The following TAFA4 variants were observed in gnomAD, a reference collection of about 807,000 sequenced individuals.
TAFA4 encodes the protein chemokine-like protein TAFA-4.
TAFA4 carries 20 observed loss-of-function variants against 21.1 expected under a neutral mutation model. The ratio of observed to expected loss-of-function variants is 0.95; its 90% confidence interval spans 0.67 to 1.38. The LOEUF (loss-of-function observed/expected upper bound fraction) is 1.38, where lower values mean the gene tolerates loss of function less well. TAFA4 is among the 40% of genes most tolerant of loss of function. The probability of loss-of-function intolerance (pLI) is 0.00; values close to 1 mark genes in which losing one functional copy is unlikely to be tolerated. For synonymous variants in TAFA4, 71 were observed against 67.4 expected (o/e 1.05, Z -0.26); for missense variants, 211 against 180.9 (o/e 1.17, Z -0.95).
intron 3 of TAFA4, among the ~76,000 whole-genome samples, chr3:68,765,624 T>C (rs1215064264): frequency 6.6e-6 from 1 of 152,192 alleles, no homozygotes; most frequent in Non-Finnish European, 1.5e-5. Context: ...TAATTCTAAT[T>C]AAAGATGGCA....
At chr3:68,807,111 T>G (rs952756417) in intron 3 of TAFA4, among the ~76,000 whole-genome samples, 1 of 152,208 alleles carries the variant, frequency 6.6e-6, no homozygotes, top group South Asian at 2.1e-4. Flanking sequence ...ATCCTGCCCC[T>G]TGTTTGCCTC....
chr3:68,899,241 A>C (rs1559557422), intron 1 of TAFA4, among the ~76,000 whole-genome samples: 1 of 152,222 alleles, frequency 6.6e-6, no homozygotes, highest in Non-Finnish European at 1.5e-5. Context: ...GCCTTAGTAG[A>C]AAAAAGAACT....
At chr3:68,891,736 G>A (rs2089732686) in intron 1 of TAFA4, among the ~76,000 whole-genome samples, 1 of 152,138 alleles carries the variant, frequency 6.6e-6, no homozygotes, top group African/African-American at 2.4e-5. Flanking sequence ...GTAGGGATGG[G>A]GGGAGACTAT....
At chr3:68,883,329 C>T (rs980675778) in intron 2 of TAFA4, among the ~76,000 whole-genome samples, 5 of 152,238 alleles carry the variant, frequency 3.3e-5, no homozygotes, top group African/African-American at 9.6e-5. Flanking sequence ...CCTGCACGTG[C>T]TCCTTCATGG....
At chr3:68,853,113 T>C (rs1378220002) in intron 3 of TAFA4, among the ~76,000 whole-genome samples, 2 of 152,182 alleles carry the variant, frequency 1.3e-5, no homozygotes, top group African/African-American at 2.4e-5. Context: ...TACAAAGCAA[T>C]GATTCCTGAA....
intron 3 of TAFA4, among the ~76,000 whole-genome samples, chr3:68,814,017 C>A (rs941185818): frequency 6.6e-6 from 1 of 152,100 alleles, no homozygotes; most frequent in East Asian, 1.9e-4. Context: ...TCAACATACG[C>A]AAATCAATAA....
intron 3 of TAFA4, among the ~76,000 whole-genome samples, chr3:68,841,692 C>A (rs931366148): frequency 2.0e-5 from 3 of 152,044 alleles, no homozygotes; most frequent in African/African-American, 7.3e-5. Flanking sequence ...ACTATCCCTC[C>A]CCTACCCCCC....
intron 3 of TAFA4, among the ~76,000 whole-genome samples, chr3:68,804,881 A>G (rs1043776355): frequency 1.3e-5 from 2 of 152,232 alleles, no homozygotes; most frequent in African/African-American, 4.8e-5. Flanking sequence ...ACCATTCAGG[A>G]CATAGGCATG....
intron 1 of TAFA4, among the ~76,000 whole-genome samples, chr3:68,927,444 TCCG>T (rs1019860995): frequency 4.6e-5 from 7 of 152,228 alleles, no homozygotes; most frequent in African/African-American, 1.7e-4. Flanking sequence ...TTTTGACAGC[TCCG>T]CCTTTTGTTA....
chr3:68,759,748 G>C (rs750606483), intron 3 of TAFA4, among the ~76,000 whole-genome samples: 8 of 152,176 alleles, frequency 5.3e-5, no homozygotes, highest in Non-Finnish European at 1.0e-4. Context: ...GAGCAGGCAA[G>C]ACTGCGTTAT....
intron 3 of TAFA4, among the ~76,000 whole-genome samples, chr3:68,798,747 TTAAAACTTGTAAAACTGTTTTTTAC>T (rs1399229165): frequency 6.6e-6 from 1 of 152,210 alleles, no homozygotes; most frequent in Non-Finnish European, 1.5e-5. Context: ...TGAATTCTTG[TTAAAACTTGTAAAACTGTTTTTTAC>T]TAAAATAAAA....
At chr3:68,839,164 T>C (rs890033686) in intron 3 of TAFA4, among the ~76,000 whole-genome samples, 5 of 152,098 alleles carry the variant, frequency 3.3e-5, no homozygotes, top group Non-Finnish European at 7.3e-5. Context: ...GAGGGACACA[T>C]ATAATAAGAA....
chr3:68,821,330 T>C (rs1299128495), intron 3 of TAFA4, among the ~76,000 whole-genome samples: 1 of 916 alleles, frequency 1.1e-3, no homozygotes, highest in Non-Finnish European at 3.4e-3. Flanking sequence ...TCCCTGCTTT[T>C]TTTTTTTTTT....
chr3:68,821,150 C>G (rs1375227525), intron 3 of TAFA4, among the ~76,000 whole-genome samples: 3 of 152,122 alleles, frequency 2.0e-5, no homozygotes, highest in Non-Finnish European at 4.4e-5. Flanking sequence ...TTCAGTGATG[C>G]TGAAAAACAT....
chr3:68,880,407 G>A (rs2089601888), intron 3 of TAFA4, among the ~76,000 whole-genome samples: 1 of 149,700 alleles, frequency 6.7e-6, no homozygotes, highest in African/African-American at 2.4e-5. Flanking sequence ...TGGATGGGCA[G>A]ATGGACTGAC....
chr3:68,922,824 T>C (rs757956240), intron 1 of TAFA4, among the ~76,000 whole-genome samples: 4 of 152,214 alleles, frequency 2.6e-5, no homozygotes, highest in Non-Finnish European at 5.9e-5. Context: ...ATTTTGTACA[T>C]GTGTACATCA....
intron 3 of TAFA4, among the ~76,000 whole-genome samples, chr3:68,812,512 A>C (rs1703865643): frequency 1.3e-5 from 2 of 152,214 alleles, no homozygotes; most frequent in Admixed American, 1.3e-4. Flanking sequence ...AAAAGAAGGC[A>C]GGGGTTGCAA....
intron 3 of TAFA4, among the ~76,000 whole-genome samples, chr3:68,776,020 A>C (rs1405078158): frequency 6.6e-6 from 1 of 152,210 alleles, no homozygotes; most frequent in African/African-American, 2.4e-5. Flanking sequence ...ATGTTTAAAA[A>C]TGAAGGCAAA....
intron 3 of TAFA4, among the ~76,000 whole-genome samples, chr3:68,829,188 T>C (rs1704320475): frequency 6.6e-6 from 1 of 152,134 alleles, no homozygotes; most frequent in African/African-American, 2.4e-5. Context: ...ATGGTACTAG[T>C]ACCAAAACAG....
Sources: allele counts gnomAD v4.1 joint callset (sites outside exome capture counted in the v4.1 genomes callset), GRCh38; gene constraint gnomAD v4.1.1; transcripts MANE v1.5; gene names NCBI Gene and HGNC (gene_info 2026-07-23, HGNC 2026-07-21).